The following ESPN variants were observed in gnomAD, a reference collection of about 807,000 sequenced individuals.
ESPN encodes autosomal recessive deafness type 36 protein.
ESPN carries 68 observed loss-of-function variants against 77.7 expected under a neutral mutation model. That is an observed-to-expected ratio of 0.87 (90% CI 0.72 to 1.07). The LOEUF (loss-of-function observed/expected upper bound fraction) is 1.07. ESPN is among the 50% of genes least tolerant of loss of function. The pLI is 0.00. For synonymous variants in ESPN, 449 were observed against 567.1 expected, an observed-to-expected ratio of 0.79 and a Z score of 2.96; for missense variants, 1,060 against 1,239.0, an observed-to-expected ratio of 0.86 and a Z score of 2.17.
intron 12 of ESPN, 48 bp from the exon 13 acceptor site, chr1:6,459,951 A>G: frequency 1.2e-6 from 2 of 1,610,972 alleles, no homozygotes; most frequent in South Asian, 1.1e-5. Context: ...CAGCCTGGGT[A>G]TCTGGCCCCA....
intron 2 of ESPN, among the ~76,000 whole-genome samples, chr1:6,434,235 TTC>T (rs1299679102): frequency 2.6e-5 from 4 of 152,140 alleles, no homozygotes; most frequent in Non-Finnish European, 5.9e-5. Flanking sequence ...TGGCTTTGCG[TTC>T]TGTGTGCATC....
intron 5 of ESPN, among the ~76,000 whole-genome samples, chr1:6,443,695 G>A (rs1460946127): frequency 2.6e-5 from 4 of 152,240 alleles, no homozygotes; most frequent in Admixed American, 2.0e-4. Flanking sequence ...CAATGAGCGC[G>A]GCCGCTGAGC....
In ESPN at chr1:6,447,189, C is replaced by T. The variant is rs182999861; in HGVS notation, c.1464+1254C>T. On this transcript the variant is annotated intron_variant, in intron 7 of 12. Transcript: ENST00000645284. This position sits in a 1 kb window ranked among gnomAD's most constrained non-coding sequence, Gnocchi z 5.2. ...TCCGGGCTGTGTGCGCCCCTCCCGG[C>T]TGTGTGCGCCCCTCCCCACTGTGTG... 936 of 151,722 alleles carry T rather than the reference C, an allele frequency of 6.2e-3. 9 individuals carry two copies. The highest frequency in any genetic ancestry group is 0.024 in the Middle Eastern group (7 of 296). The allele number at this position is 151,722 out of a possible 1,614,324, so 9.4% of individuals were successfully genotyped here. A position where few individuals can be genotyped will look rare whatever the true frequency, so the allele number is the denominator to read the frequency against.
chr1:6,456,827 G>T (rs966208044), intron 10 of ESPN, among the ~76,000 whole-genome samples: 3 of 152,216 alleles, frequency 2.0e-5, no homozygotes, highest in Admixed American at 2.0e-4. Flanking sequence ...CAAGAGGCTG[G>T]GTGGGGGCTG....
Position 6,450,882 on chromosome 1 carries a change from G to C in ESPN, c.1916-721G>C, listed in dbSNP as rs1643932431. ...GACCTCTCTCTCCAAATCTCCATTT[G>C]CCTCCTCTGGCTAAGCTGGAAAATG... On this transcript the variant is annotated intron_variant, in intron 8 of 12. Coordinates refer to ENST00000645284, the MANE Select transcript of ESPN (RefSeq NM_031475.3). The surrounding 1 kb of genome is among the most constrained non-coding windows in gnomAD (Gnocchi z 4.3). Among the ~76,000 whole-genome samples, 1 of 152,010 alleles carries C rather than the reference G, an allele frequency of 6.6e-6. No homozygotes were observed. Among genetic ancestry groups the C allele is most frequent in the Non-Finnish European group, 1.5e-5 (1 of 68,012 alleles).
rs754234513 is a variant in ESPN at position 6,428,669 on chromosome 1, G to A, written c.488+250G>A. Among the ~76,000 whole-genome samples the A allele has an allele frequency of 1.3e-5, 2 of 152,190 alleles. No individual in the cohort carries two copies. The highest frequency in any genetic ancestry group is 2.9e-5 in the Non-Finnish European group (2 of 68,022). ...TCCCAGCATCCTCAGCTGCCCGGCC[G>A]CACACAGCTGGACCTGGGAGGCTGG... On this transcript the variant is annotated intron_variant, in intron 2 of 12. Coordinates refer to ENST00000645284, the MANE Select transcript of ESPN (RefSeq NM_031475.3). The surrounding 1 kb of genome is among the most constrained non-coding windows in gnomAD (Gnocchi z 5.4).
At chr1:6,452,870 A>C (rs1643973773) in intron 10 of ESPN, among the ~76,000 whole-genome samples, 2 of 151,448 alleles carry the variant, frequency 1.3e-5, no homozygotes, top group African/African-American at 4.9e-5. Context: ...TCATCCAACA[A>C]CTATTCCCCA....
At chr1:6,446,038 A>G (rs1002149368) in intron 7 of ESPN, 103 bp downstream of exon 7, 135 of 1,205,284 alleles carry the variant, frequency 1.1e-4, no homozygotes, top group Admixed American at 1.6e-4. Context: ...TAGGGTGGGG[A>G]TCCCTGGGTC....
chr1:6,424,951 G>A lies in ESPN; in HGVS notation c.-5G>A. On this transcript the variant is annotated 5_prime_UTR_variant, in exon 1 of 13. Transcript: ENST00000645284. ...GTGCGGAGTCGCGGCGCCGCACGCG[G>A]CACCATGGCCCTGGAGCAGGCGCTG... 6.9e-7 allele frequency: 1 copy of A among 1,445,070 alleles called. No individual in the cohort carries two copies. Among genetic ancestry groups the A allele is most frequent in the Non-Finnish European group, 9.1e-7 (1 of 1,102,390 alleles). 89.5% of individuals were successfully genotyped at this position (1,445,070 alleles called of 1,614,324 possible). A position where few individuals can be genotyped will look rare whatever the true frequency, so the allele number is the denominator to read the frequency against.
chr1:6,446,100 G>T lies in ESPN; in HGVS notation c.1464+165G>T, dbSNP rs112678307. 7.8e-3 allele frequency among the ~76,000 whole-genome samples: 1,191 copies of T among 152,240 alleles called. 11 individuals carry two copies. Among genetic ancestry groups the T allele is most frequent in the African/African-American group, 0.027 (1,140 of 41,530 alleles). Reference sequence around the variant, plus strand: ...CTGGCGAGTCCCACAAGGGGTCAGGGCTGGACACTGGACTGGGAGGAGAGT... The same window carrying T: ...CTGGCGAGTCCCACAAGGGGTCAGGTCTGGACACTGGACTGGGAGGAGAGT... On this transcript the variant is annotated intron_variant, in intron 7 of 12. Coordinates refer to ENST00000645284, the MANE Select transcript of ESPN (RefSeq NM_031475.3).
rs970655579 is a variant in ESPN, at chr1:6,427,284, C to T, written c.295-942C>T. Among the ~76,000 whole-genome samples, 1 of 152,140 alleles carries T rather than the reference C, an allele frequency of 6.6e-6. No homozygotes were observed. The highest frequency in any genetic ancestry group is 2.4e-5 in the African/African-American group (1 of 41,428). On this transcript the variant is annotated intron_variant, in intron 1 of 12. Coordinates refer to ENST00000645284, the MANE Select transcript of ESPN (RefSeq NM_031475.3). The surrounding 1 kb of genome is among the most constrained non-coding windows in gnomAD (Gnocchi z 4.6). ...CTTGGTGCTGGGAGGTGGTTCTGTT[C>T]CCGAACCAGTACCCACTCTGCCAAG...
chr1:6,430,685 C>T (rs1285902043), intron 2 of ESPN, among the ~76,000 whole-genome samples: 1 of 152,040 alleles, frequency 6.6e-6, no homozygotes. Context: ...GCAGGAGAAT[C>T]GCTTGAACCC....
At chr1:6,431,593 T>G (rs1490135167) in intron 2 of ESPN, among the ~76,000 whole-genome samples, 1 of 133,320 alleles carries the variant, frequency 7.5e-6, no homozygotes, top group Non-Finnish European at 1.5e-5. Flanking sequence ...ATCATGCTAT[T>G]GCATTCCAGC....
chr1:6,451,415 C>A lies in ESPN; in HGVS notation c.1916-188C>A. On this transcript the variant is annotated intron_variant, in intron 8 of 12. Coordinates refer to ENST00000645284, the MANE Select transcript of ESPN (RefSeq NM_031475.3). The surrounding 1 kb of genome is among the most constrained non-coding windows in gnomAD (Gnocchi z 4.3). ...TGGTGGGGTTGCCACAGTCAGGGAA[C>A]CAAGGGCCCGCCTCTGGGGGCCCTG... is the stretch of plus-strand genomic sequence containing the variant. 1 of 748,076 alleles carries A rather than the reference C, an allele frequency of 1.3e-6. No individual in the cohort carries two copies. Among genetic ancestry groups the A allele is most frequent in the Non-Finnish European group, 2.2e-6 (1 of 452,250 alleles). 46.3% of individuals were successfully genotyped at this position (748,076 alleles called of 1,614,324 possible).
At chr1:6,441,754 G>A (rs1054381679) in intron 5 of ESPN, among the ~76,000 whole-genome samples, 3 of 152,192 alleles carry the variant, frequency 2.0e-5, no homozygotes, top group Non-Finnish European at 4.4e-5. Context: ...AAAAGGATGC[G>A]GACCAACTCC....
chr1:6,431,370 A>G (rs1451607868), intron 2 of ESPN, among the ~76,000 whole-genome samples: 1 of 152,184 alleles, frequency 6.6e-6, no homozygotes, highest in Non-Finnish European at 1.5e-5. Flanking sequence ...GCACTTTGGG[A>G]GGCCGAGGCA....
chr1:6,458,607 C>T (rs1252117739), intron 12 of ESPN, among the ~76,000 whole-genome samples: 2 of 151,788 alleles, frequency 1.3e-5, no homozygotes, highest in Non-Finnish European at 2.9e-5. Flanking sequence ...TAAGCCTTCG[C>T]ACCAGGCCTG....
At chr1:6,455,696 G>A (rs113455510) in intron 10 of ESPN, 2 of 399,030 alleles carry the variant, frequency 5.0e-6, no homozygotes, top group Non-Finnish European at 8.8e-6. Context: ...GCCGCGAGGA[G>A]CGCAAGTTCC....
At chr1:6,452,320 T>G (rs557840230) in intron 10 of ESPN, among the ~76,000 whole-genome samples, 1 of 152,064 alleles carries the variant, frequency 6.6e-6, no homozygotes, top group Non-Finnish European at 1.5e-5. Flanking sequence ...TTCTCCTGCC[T>G]CAGCCTCCCA....
Sources: gnomAD v4.1 joint callset for allele counts (sites outside exome capture counted in the v4.1 genomes callset) on GRCh38, gnomAD v4.1.1 for gene constraint, Gnocchi (gnomAD v3.1) non-coding constraint, MANE v1.5 for transcripts, NCBI Gene and HGNC (gene_info 2026-07-23, HGNC 2026-07-21) for gene names.